NUCB1: variants seen among roughly 807,000 people sequenced by gnomAD.
The protein encoded by NUCB1 is nucleobindin-1.
Under a neutral mutation model 61.2 loss-of-function variants are expected in NUCB1, and 47 were observed. The observed-to-expected ratio is 0.77, with a 90% CI of 0.61 to 0.98. NUCB1 has a LOEUF of 0.98. Ranked by LOEUF, NUCB1 falls within the 50% of genes least tolerant of loss-of-function variation. NUCB1 has a pLI of 0.00. For synonymous variants in NUCB1, 234 were observed against 243.1 expected, an observed-to-expected ratio of 0.96 and a Z score of 0.35; for missense variants, 583 against 605.3, an observed-to-expected ratio of 0.96 and a Z score of 0.39.
intron 2 of NUCB1, among the ~76,000 whole-genome samples, chr19:48,902,438 T>TG (rs374146313): frequency 2.9e-5 from 4 of 138,694 alleles, no homozygotes; most frequent in Non-Finnish European, 6.1e-5. Context: ...TTTTTTTTTT[T>TG]ATTTTTGCTG....
At position 48,922,547 on chromosome 19, in the gene NUCB1, C is replaced by T. The variant is rs996892779; in HGVS notation, c.*123C>T. On this transcript the variant is annotated 3_prime_UTR_variant, in exon 13 of 13. Transcript: ENST00000405315. ...ATGTTGGGCTCCTGGGGCGGGGGCA[C>T]GGCCTGGCATTTCACGCATTGCTGC... 9.4e-6 allele frequency: 7 copies of T among 746,514 alleles called. No homozygotes were observed. Among genetic ancestry groups the T allele is most frequent in the African/African-American group, 3.5e-5 (2 of 57,642 alleles). The allele number at this position is 746,514 out of a possible 1,614,324, so 46.2% of individuals were successfully genotyped here. A position where few individuals can be genotyped will look rare whatever the true frequency, so the allele number is the denominator to read the frequency against.
intron 7 of NUCB1, among the ~76,000 whole-genome samples, chr19:48,917,757 A>G (rs1042571919): frequency 6.6e-6 from 1 of 151,280 alleles, no homozygotes. Flanking sequence ...CGGCCTCCCA[A>G]AGTGCTGGGA....
chr19:48,908,898 C>T (rs1343480442), intron 4 of NUCB1, among the ~76,000 whole-genome samples: 7 of 152,036 alleles, frequency 4.6e-5, no homozygotes, highest in Admixed American at 1.3e-4. Context: ...GTGTTGGCAG[C>T]GTGTGCGCTG....
In NUCB1 at chr19:48,911,221, A is replaced by G. The variant is rs367785613; in HGVS notation, c.449A>G (p.Glu150Gly). 3 of 1,613,594 alleles carry G rather than the reference A, an allele frequency of 1.9e-6. No individual in the cohort carries two copies. The African/African-American group carries it at 4.0e-5, about 22-fold the overall frequency. Reference protein sequence around the residue: ...HLDPQNQHTFEARDLELLIQT... With the variant: ...HLDPQNQHTFGARDLELLIQT... Reference sequence around the variant, plus strand: ...GACCCTCAGAACCAGCATACATTCGAGGCCCGCGACCTGGAGCTGCTGATC... The same window carrying G: ...GACCCTCAGAACCAGCATACATTCGGGGCCCGCGACCTGGAGCTGCTGATC... Residue 150 changes from glutamate to glycine, a missense_variant, in exon 5 of 13, where the codon GAG (glutamate) becomes GGG (glycine). Physicochemically the swap from Glu to Gly is moderately conservative, Grantham distance 98. Coordinates refer to ENST00000405315, the MANE Select transcript of NUCB1 (RefSeq NM_006184.6).
chr19:48,918,824 C>G (rs2037570960), intron 8 of NUCB1, 40 bp downstream of exon 8: 6 of 1,569,410 alleles, frequency 3.8e-6, no homozygotes, highest in Non-Finnish European at 5.3e-6. Context: ...GAGGGACGCC[C>G]AAATCAGCCA....
Position 48,900,886 on chromosome 19 carries a change from G to A in NUCB1, c.90G>A (p.Glu30=). The change falls in exon 2 of 13, where the codon GAG becomes GAA. Residue 30 remains glutamate, a synonymous_variant. Transcript: ENST00000405315. Reference sequence around the variant, plus strand: ...GCGCCGTGCTGGCTGTCCCCCTGGAGCGAGGGGCGCCCAACAAGGAGGAGA... The same window carrying A: ...GCGCCGTGCTGGCTGTCCCCCTGGAACGAGGGGCGCCCAACAAGGAGGAGA... ...LLRAVLAVPL[E]RGAPNKEETP... 1 of 1,613,920 alleles carries A rather than the reference G, an allele frequency of 6.2e-7. No individual in the cohort carries two copies. Among genetic ancestry groups the A allele is most frequent in the Non-Finnish European group, 8.5e-7 (1 of 1,180,030 alleles).
At chr19:48,906,980 T>A (rs996249602) in intron 4 of NUCB1, among the ~76,000 whole-genome samples, 4 of 65,692 alleles carry the variant, frequency 6.1e-5, no homozygotes, top group Admixed American at 1.5e-4. Flanking sequence ...AATATCTTTC[T>A]TTTTTTTTTT....
chr19:48,918,611 G>C (rs1285214762), intron 7 of NUCB1, 115 bp from the exon 8 acceptor site: 13 of 818,442 alleles, frequency 1.6e-5, no homozygotes, highest in Non-Finnish European at 2.8e-5. Context: ...CGGGAGACCC[G>C]TAGTTACCTG....
chr19:48,908,766 T>G (rs931823324), intron 4 of NUCB1, among the ~76,000 whole-genome samples: 31 of 99,828 alleles, frequency 3.1e-4, no homozygotes, highest in African/African-American at 5.5e-4. Context: ...GTGTGTGTCT[T>G]TCTCCCCACC....
intron 2 of NUCB1, among the ~76,000 whole-genome samples, chr19:48,902,052 A>C (rs2037357793): frequency 6.6e-6 from 1 of 152,184 alleles, no homozygotes; most frequent in Non-Finnish European, 1.5e-5. Context: ...TGGGAGATGG[A>C]AGACAAAGGG....
chr19:48,900,952 A>C (rs2037347976), intron 2 of NUCB1, 21 bp downstream of exon 2: 5 of 1,613,606 alleles, frequency 3.1e-6, no homozygotes, highest in Admixed American at 1.7e-5. Context: ...CTGCCCTGCT[A>C]TCCAGCCAGG....
intron 5 of NUCB1, among the ~76,000 whole-genome samples, chr19:48,911,969 G>T (rs952060379): frequency 6.6e-6 from 1 of 151,516 alleles, no homozygotes; most frequent in African/African-American, 2.4e-5. Flanking sequence ...AGATTTGAAC[G>T]CTGGGCAAAA....
At chr19:48,918,208 G>C (rs888120473) in intron 7 of NUCB1, among the ~76,000 whole-genome samples, 2 of 152,176 alleles carry the variant, frequency 1.3e-5, no homozygotes, top group African/African-American at 4.8e-5. Flanking sequence ...GGATTTGCAA[G>C]ATGAGGGTTC....
rs769277646 is a variant in NUCB1 at position 48,904,299 on chromosome 19, G to A, written c.136-48G>A. On this transcript the variant is annotated intron_variant, in intron 2 of 12. Coordinates refer to ENST00000405315, the MANE Select transcript of NUCB1 (RefSeq NM_006184.6). ...ATAGCAGTAACAGGAGTGAGGGTGGGGATGGGGATGGGAGCAGGGGCTGCT... is the reference window on the plus strand; with the variant it reads ...ATAGCAGTAACAGGAGTGAGGGTGGAGATGGGGATGGGAGCAGGGGCTGCT... The A allele has an allele frequency of 3.5e-5, 44 of 1,257,416 alleles. No individual in the cohort carries two copies. The African/African-American group carries it at 6.0e-4, about 17-fold the overall frequency. 77.9% of individuals were successfully genotyped at this position (1,257,416 alleles called of 1,614,324 possible).
intron 8 of NUCB1, 117 bp downstream of exon 8, chr19:48,918,901 T>A: frequency 7.6e-7 from 1 of 1,314,530 alleles, no homozygotes; most frequent in Non-Finnish European, 1.1e-6. Flanking sequence ...ACAACTCCCA[T>A]CAGCCCCTGG....
chr19:48,907,526 C>T (rs2037425679), intron 4 of NUCB1, among the ~76,000 whole-genome samples: 2 of 152,086 alleles, frequency 1.3e-5, no homozygotes, highest in African/African-American at 2.4e-5. Flanking sequence ...CCTCCTGTCT[C>T]GGCCTTCCAA....
In NUCB1 at chr19:48,905,838, G is replaced by A. The variant is rs149685717; in HGVS notation, c.329G>A (p.Arg110Gln). The A allele has an allele frequency of 1.2e-4, 186 of 1,613,800 alleles. No homozygotes were observed. Among genetic ancestry groups the A allele is most frequent in the Non-Finnish European group, 1.5e-4 (176 of 1,179,974 alleles). ...LDELKRQEVS[R>Q]LRMLLKAKMD... is the part of the protein sequence containing the mutation. ...GAGCTCAAGCGACAGGAGGTGTCAC[G>A]GCTGCGGATGCTGCTCAAGGCCAAG... Residue 110 changes from arginine (R) to glutamine (Q), a missense_variant, in exon 4 of 13, where the codon CGG (arginine) becomes CAG (glutamine). Physicochemically the swap from Arg to Gln is conservative, Grantham distance 43. Coordinates refer to ENST00000405315, the MANE Select transcript of NUCB1 (RefSeq NM_006184.6).
intron 2 of NUCB1, among the ~76,000 whole-genome samples, chr19:48,902,712 GGA>G (rs1310943117): frequency 2.0e-5 from 3 of 151,882 alleles, no homozygotes; most frequent in African/African-American, 7.3e-5. Flanking sequence ...GTTCTGAACT[GGA>G]GAGATATGTT....
chr19:48,920,215 C>T lies in NUCB1; in HGVS notation c.1002+929C>T, dbSNP rs1409109486. Among the ~76,000 whole-genome samples the T allele has an allele frequency of 2.6e-5, 4 of 151,898 alleles. No homozygotes were observed. In the East Asian group the frequency reaches 7.8e-4, roughly 29 times the overall value. On this transcript the variant is annotated intron_variant, in intron 10 of 12. Coordinates refer to ENST00000405315, the MANE Select transcript of NUCB1 (RefSeq NM_006184.6). The stretch of plus-strand genomic sequence containing the variant: ...CTGGAGTGCAGGGGTGTTATCATGG[C>T]CCACTGCAGCCTCAAACTCCTGTCC...
Sources: gnomAD v4.1 joint callset for allele counts (sites outside exome capture counted in the v4.1 genomes callset) on GRCh38, gnomAD v4.1.1 for gene constraint, MANE v1.5 for transcripts, NCBI Gene and HGNC (gene_info 2026-07-23, HGNC 2026-07-21) for gene names.